The following B3GALT1 variants were observed in gnomAD, a reference collection of about 807,000 sequenced individuals.
The protein encoded by B3GALT1 is UDP-Gal:betaGlcNAc beta 1,3-galactosyltransferase, polypeptide 1.
A neutral mutation model predicts 23.2 loss-of-function variants in B3GALT1; 10 were observed. The ratio of observed to expected loss-of-function variants is 0.43; its 90% CI spans 0.27 to 0.73. The LOEUF (loss-of-function observed/expected upper bound fraction) is 0.73, where lower values mean the gene tolerates loss of function less well. Among genes scored for constraint, B3GALT1 ranks in the 30% least tolerant of loss-of-function variants. The pLI, the probability that B3GALT1 is intolerant of heterozygous loss-of-function variation, is 0.21. For missense variants in B3GALT1, 299 were observed against 405.4 expected (o/e 0.74, Z 2.25); for synonymous variants, 156 against 141.5 (o/e 1.10, Z -0.73).
intron 1 of B3GALT1, among the ~76,000 whole-genome samples, chr2:167,470,326 A>C (rs545135371): frequency 3.2e-4 from 49 of 152,312 alleles, no homozygotes; most frequent in African/African-American, 1.1e-3. Flanking sequence ...TGGGTTTAGC[A>C]ATTAAAATTT....
chr2:167,431,517 C>T (rs1698703623), intron 1 of B3GALT1, among the ~76,000 whole-genome samples: 1 of 152,166 alleles, frequency 6.6e-6, no homozygotes, highest in African/African-American at 2.4e-5. Context: ...AAAAATATCT[C>T]CCCCAAATAG....
intron 1 of B3GALT1, among the ~76,000 whole-genome samples, chr2:167,387,650 C>A (rs1468132946): frequency 6.6e-6 from 1 of 152,152 alleles, no homozygotes; most frequent in Non-Finnish European, 1.5e-5. Context: ...TTGTTACTTG[C>A]ATATTTCATT....
intron 4 of B3GALT1, among the ~76,000 whole-genome samples, chr2:167,868,121 C>T (rs1690269706): frequency 6.6e-6 from 1 of 152,234 alleles, no homozygotes; most frequent in South Asian, 2.1e-4. Context: ...TGCCAGCTGT[C>T]TGAAAGGTCA....
In B3GALT1 at chr2:167,644,858, A is replaced by C. The variant is rs1334642170; in HGVS notation, c.-409-2051A>C. On this transcript the variant is annotated intron_variant, in intron 2 of 4. Coordinates refer to ENST00000392690, the MANE Select transcript of B3GALT1 (RefSeq NM_020981.4). Reference sequence around the variant, plus strand: ...ACATTCCTAATAGATTTTCTTTTGCACTTCCAAACAGGAGCCCTCTTTCCA... The same window carrying C: ...ACATTCCTAATAGATTTTCTTTTGCCCTTCCAAACAGGAGCCCTCTTTCCA... Among the ~76,000 whole-genome samples the C allele has an allele frequency of 6.0e-5, 9 of 150,208 alleles. No individual in the cohort carries two copies. The East Asian group carries it at 1.8e-3, about 29-fold the overall frequency.
At chr2:167,342,814 A>G (rs1697170024) in intron 1 of B3GALT1, among the ~76,000 whole-genome samples, 1 of 152,064 alleles carries the variant, frequency 6.6e-6, no homozygotes, top group Admixed American at 6.6e-5. Context: ...TCATGGGGAC[A>G]CCTTTTTCTG....
chr2:167,781,040 A>G (rs954288212), intron 3 of B3GALT1, among the ~76,000 whole-genome samples: 1 of 152,210 alleles, frequency 6.6e-6, no homozygotes, highest in African/African-American at 2.4e-5. Flanking sequence ...GTAATATTAG[A>G]GAGGGCTTGG....
In B3GALT1 at chr2:167,831,235, A is replaced by G. The variant is rs150912373; in HGVS notation, c.-230+12442A>G. ...AACAGTGCCCTTTATTAACAATTTA[A>G]TTCAGCGCTCCCACAGTTAGTTATA... On this transcript the variant is annotated intron_variant, in intron 4 of 4. Transcript: ENST00000392690. 1.7e-3 allele frequency among the ~76,000 whole-genome samples: 252 copies of G among 152,322 alleles called. 2 individuals carry two copies. Among genetic ancestry groups the G allele is most frequent in the African/African-American group, 5.9e-3 (246 of 41,564 alleles).
At chr2:167,348,376 A>G (rs1697257561) in intron 1 of B3GALT1, among the ~76,000 whole-genome samples, 1 of 152,074 alleles carries the variant, frequency 6.6e-6, no homozygotes, top group Admixed American at 6.6e-5. Flanking sequence ...TATTTTTTAT[A>G]TTCTTTTTGA....
In B3GALT1 at chr2:167,672,512, A is replaced by G. The variant is rs913829895; in HGVS notation, c.-352+25546A>G. 2.6e-5 allele frequency among the ~76,000 whole-genome samples: 4 copies of G among 152,216 alleles called. No individual in the cohort carries two copies. In the South Asian group the frequency reaches 6.2e-4, roughly 24 times the overall value. Reference sequence around the variant, plus strand: ...AAAGATCTGAGGAAATAACAATTGCACTGATTTTTAGAAAGAACCTGATAC... The same window carrying G: ...AAAGATCTGAGGAAATAACAATTGCGCTGATTTTTAGAAAGAACCTGATAC... On this transcript the variant is annotated intron_variant, in intron 3 of 4. Coordinates refer to ENST00000392690, the MANE Select transcript of B3GALT1 (RefSeq NM_020981.4).
intron 1 of B3GALT1, among the ~76,000 whole-genome samples, chr2:167,452,800 A>G (rs182153797): frequency 6.6e-6 from 1 of 152,178 alleles, no homozygotes; most frequent in African/African-American, 2.4e-5. Flanking sequence ...ACAACCAAAG[A>G]TACAAGAGGC....
chr2:167,505,808 C>T (rs1699908910), intron 2 of B3GALT1, among the ~76,000 whole-genome samples: 2 of 152,102 alleles, frequency 1.3e-5, no homozygotes, highest in Non-Finnish European at 2.9e-5. Flanking sequence ...ACCTGTAATC[C>T]CAGCACTTTG....
chr2:167,667,335 G>T (rs1033712663), intron 3 of B3GALT1, among the ~76,000 whole-genome samples: 6 of 152,126 alleles, frequency 3.9e-5, no homozygotes, highest in African/African-American at 1.4e-4. Context: ...TAGTCTGAGG[G>T]GCTTCCCTTT....
Position 167,843,448 on chromosome 2 carries a change from T to C in B3GALT1, c.-230+24655T>C, listed in dbSNP as rs371588653. 3.7e-3 allele frequency among the ~76,000 whole-genome samples: 557 copies of C among 152,254 alleles called. 2 individuals are homozygous for C. The highest frequency in any genetic ancestry group is 5.7e-3 in the Non-Finnish European group (387 of 68,014). On this transcript the variant is annotated intron_variant, in intron 4 of 4. Transcript: ENST00000392690. The stretch of plus-strand genomic sequence containing the variant: ...GATAGGAATCCTCAGTGCTTGGCAG[T>C]CAGGTCAAATCATTATTCTATTGGC...
At chr2:167,568,864 G>C (rs1438875108) in intron 2 of B3GALT1, among the ~76,000 whole-genome samples, 1 of 151,458 alleles carries the variant, frequency 6.6e-6, no homozygotes. Context: ...ATAGTTTTAT[G>C]TTTTAGATCT....
chr2:167,440,736 T>C (rs917769949), intron 1 of B3GALT1, among the ~76,000 whole-genome samples: 9 of 152,120 alleles, frequency 5.9e-5, no homozygotes, highest in African/African-American at 2.2e-4. Context: ...AATGACTGTT[T>C]TGCTAGTTAT....
In B3GALT1 at chr2:167,869,410, C is replaced by T. The variant is rs1235761080; in HGVS notation, c.371C>T (p.Pro124Leu). Reference sequence around the variant, plus strand: ...TTCCTCCTGGGCAAGAATGCTGATCCTGTTCTCAATCAGATGGTGGAGCAA... The same window carrying T: ...TTCCTCCTGGGCAAGAATGCTGATCTTGTTCTCAATCAGATGGTGGAGCAA... ...TLFLLGKNAD[P>L]VLNQMVEQES... Residue 124 changes from proline (P) to leucine (L), a missense_variant, in exon 5 of 5, where the codon CCT becomes CTT. Physicochemically the swap from Pro to Leu is moderately conservative, Grantham distance 98. Coordinates refer to ENST00000392690, the MANE Select transcript of B3GALT1 (RefSeq NM_020981.4). This position sits in a 1 kb window ranked among gnomAD's most constrained non-coding sequence, Gnocchi z 6.4. 4 of 1,613,994 alleles carry T rather than the reference C, an allele frequency of 2.5e-6. No individual in the cohort carries two copies. The South Asian group carries it at 3.3e-5, about 13-fold the overall frequency.
intron 1 of B3GALT1, among the ~76,000 whole-genome samples, chr2:167,323,888 C>T (rs910746125): frequency 6.6e-6 from 1 of 151,970 alleles, no homozygotes; most frequent in Non-Finnish European, 1.5e-5. Flanking sequence ...CTCCCTATGA[C>T]ATCTGTGACC....
At chr2:167,424,334 T>C (rs895940807) in intron 1 of B3GALT1, among the ~76,000 whole-genome samples, 26 of 152,220 alleles carry the variant, frequency 1.7e-4, no homozygotes, top group Admixed American at 4.6e-4. Context: ...CTGGTTGTTA[T>C]AGGCATCTAA....
chr2:167,608,389 T>C (rs1408217938), intron 2 of B3GALT1, among the ~76,000 whole-genome samples: 2 of 152,200 alleles, frequency 1.3e-5, no homozygotes, highest in African/African-American at 4.8e-5. Flanking sequence ...GAGATTTAAA[T>C]TAATTTGATG....
Sources: gnomAD v4.1 joint callset for allele counts (sites outside exome capture counted in the v4.1 genomes callset) on GRCh38, gnomAD v4.1.1 for gene constraint, Gnocchi (gnomAD v3.1) non-coding constraint, MANE v1.5 for transcripts, NCBI Gene and HGNC (gene_info 2026-07-23, HGNC 2026-07-21) for gene names.